The following SPRED1 variants were observed in gnomAD, a reference collection of about 807,000 sequenced individuals.
SPRED1 encodes sprouty related EVH1 domain containing 1.
In SPRED1, 18 loss-of-function variants were observed where a neutral mutation model predicts 52.3. The observed-to-expected ratio is 0.34, with a 90% CI of 0.24 to 0.51. SPRED1 has a LOEUF of 0.51. Ranked by LOEUF, SPRED1 falls within the 20% of genes least tolerant of loss-of-function variation. SPRED1 has a pLI of 0.97. For missense variants in SPRED1, 485 were observed against 551.0 expected (o/e 0.88, Z 1.20); for synonymous variants, 155 against 179.7 (o/e 0.86, Z 1.10).
At chr15:38,263,631 T>C (rs1187159424) in intron 1 of SPRED1, among the ~76,000 whole-genome samples, 1 of 152,142 alleles carries the variant, frequency 6.6e-6, no homozygotes, top group Non-Finnish European at 1.5e-5. Context: ...ATTGGTGATT[T>C]CTAAGACAAG....
At chr15:38,295,731 A>G (rs779379889) in intron 1 of SPRED1, among the ~76,000 whole-genome samples, 2 of 152,190 alleles carry the variant, frequency 1.3e-5, no homozygotes, top group African/African-American at 2.4e-5. Flanking sequence ...ATCATGCACA[A>G]TTATTTTACC....
intron 1 of SPRED1, 108 bp downstream of exon 1, chr15:38,253,325 G>A (rs1403548354): frequency 5.7e-6 from 6 of 1,043,644 alleles, no homozygotes; most frequent in African/African-American, 1.6e-5. Context: ...CGACCCTGGA[G>A]AGTTCGGTGC....
chr15:38,321,398 T>C (rs1269300523), intron 2 of SPRED1, among the ~76,000 whole-genome samples: 1 of 152,158 alleles, frequency 6.6e-6, no homozygotes, highest in African/African-American at 2.4e-5. Context: ...GTCATTCCAC[T>C]CTAAGCTCTG....
At chr15:38,280,526 T>C (rs568970269) in intron 1 of SPRED1, among the ~76,000 whole-genome samples, 1 of 46,134 alleles carries the variant, frequency 2.2e-5, no homozygotes, top group African/African-American at 4.4e-5. Flanking sequence ...TAAAAATCCA[T>C]TGTTTTTTGT....
intron 2 of SPRED1, among the ~76,000 whole-genome samples, chr15:38,319,138 T>C (rs183075770): frequency 2.0e-5 from 3 of 152,326 alleles, no homozygotes; most frequent in East Asian, 3.9e-4. Context: ...TTTTTATGTC[T>C]TCCCCTTTTT....
At chr15:38,332,655 C>T (rs1420179081) in intron 4 of SPRED1, among the ~76,000 whole-genome samples, 1 of 152,066 alleles carries the variant, frequency 6.6e-6, no homozygotes, top group African/African-American at 2.4e-5. Context: ...CACATTTACT[C>T]CTGAGGTATC....
chr15:38,299,932 T>A (rs754886998), intron 2 of SPRED1, among the ~76,000 whole-genome samples: 2 of 152,134 alleles, frequency 1.3e-5, no homozygotes, highest in Non-Finnish European at 2.9e-5. Flanking sequence ...CTAATAATGG[T>A]TTTTATAGTT....
intron 2 of SPRED1, among the ~76,000 whole-genome samples, chr15:38,307,229 G>T (rs4372646): frequency 0.96 from 145,915 of 152,292 alleles, 70,190 homozygotes; most frequent in East Asian, 1. Context: ...TATTCCTTTG[G>T]TTAATCAACC....
chr15:38,280,425 C>T (rs1894662965), intron 1 of SPRED1, among the ~76,000 whole-genome samples: 1 of 152,120 alleles, frequency 6.6e-6, no homozygotes, highest in Non-Finnish European at 1.5e-5. Context: ...TACTCTTACA[C>T]ATTTGAAAAA....
chr15:38,351,537 G>T lies in SPRED1; in HGVS notation c.1208G>T (p.Arg403Leu), dbSNP rs772476060. The T allele has an allele frequency of 2.5e-6, 4 of 1,614,110 alleles. No individual in the cohort carries two copies. Among genetic ancestry groups the T allele is most frequent in the South Asian group, 1.1e-5 (1 of 91,080 alleles). Reference sequence around the variant, plus strand: ...ACTAGCGACGACAAGTTCTGCTTGCGATGGTTAGCCCTGGTAGCTTTGTCT... The same window carrying T: ...ACTAGCGACGACAAGTTCTGCTTGCTATGGTTAGCCCTGGTAGCTTTGTCT... ...CDTSDDKFCL[R>L]WLALVALSFI... The change falls in exon 7 of 7, where the codon CGA becomes CTA. Residue 403 changes from arginine (R) to leucine (L), a missense_variant. Physicochemically the swap from Arg to Leu is moderately radical, Grantham distance 102. Coordinates refer to ENST00000299084, the MANE Select transcript of SPRED1 (RefSeq NM_152594.3).
chr15:38,327,779 CTA>C (rs1305180851), intron 4 of SPRED1, among the ~76,000 whole-genome samples: 2 of 152,194 alleles, frequency 1.3e-5, no homozygotes, highest in Admixed American at 1.3e-4. Context: ...CTTACAGAAA[CTA>C]TGAGATAATA....
chr15:38,286,249 G>C (rs1245018920), intron 1 of SPRED1, among the ~76,000 whole-genome samples: 1 of 74,532 alleles, frequency 1.3e-5, no homozygotes, highest in Non-Finnish European at 3.0e-5. Flanking sequence ...AAAAAAAAAA[G>C]TTTTGCAGAT....
intron 1 of SPRED1, among the ~76,000 whole-genome samples, chr15:38,273,350 C>G (rs1894479015): frequency 1.3e-5 from 2 of 151,958 alleles, no homozygotes; most frequent in South Asian, 4.1e-4. Context: ...ATCTAAGTAG[C>G]TACAATCTTA....
chr15:38,329,805 C>A (rs762884034), intron 4 of SPRED1, among the ~76,000 whole-genome samples: 17 of 152,088 alleles, frequency 1.1e-4, no homozygotes, highest in Non-Finnish European at 2.4e-4. Flanking sequence ...CAAATGCATA[C>A]TTCCTTTTAA....
chr15:38,291,350 G>T (rs1894919012), intron 1 of SPRED1, among the ~76,000 whole-genome samples: 1 of 152,176 alleles, frequency 6.6e-6, no homozygotes. Flanking sequence ...AGTGTCTGTG[G>T]CTTTTCCAGA....
intron 4 of SPRED1, 63 bp downstream of exon 4, chr15:38,324,872 T>C: frequency 2.4e-6 from 3 of 1,276,292 alleles, no homozygotes; most frequent in Non-Finnish European, 2.3e-6. Context: ...ACTAGCCTTA[T>C]TCAATAAACT....
chr15:38,272,513 G>A (rs950147994), intron 1 of SPRED1, among the ~76,000 whole-genome samples: 3 of 152,050 alleles, frequency 2.0e-5, no homozygotes, highest in Non-Finnish European at 2.9e-5. Flanking sequence ...CAGGTGATCT[G>A]CCTGCTTCAG....
At chr15:38,299,258 C>T (rs914544937) in intron 1 of SPRED1, 115 bp from the exon 2 acceptor site, 2 of 1,160,532 alleles carry the variant, frequency 1.7e-6, no homozygotes, top group African/African-American at 1.5e-5. Context: ...AAGTAGTAAA[C>T]ACCTTAGTCA....
intron 5 of SPRED1, among the ~76,000 whole-genome samples, chr15:38,345,906 G>A (rs139338076): frequency 2.6e-5 from 4 of 152,134 alleles, no homozygotes; most frequent in Non-Finnish European, 5.9e-5. Context: ...GGCCGATAGT[G>A]CATATGTTCA....
Sources: allele counts gnomAD v4.1 joint callset (sites outside exome capture counted in the v4.1 genomes callset), GRCh38; gene constraint gnomAD v4.1.1; transcripts MANE v1.5; gene names NCBI Gene and HGNC (gene_info 2026-07-23, HGNC 2026-07-21).